Variants in ZNF385D observed in about 807,000 individuals in gnomAD.
ZNF385D encodes zinc finger protein 385D, also known as zinc finger protein 659.
ZNF385D carries 15 observed loss-of-function variants against 35.8 expected under a neutral mutation model. The observed-to-expected ratio is 0.42, with a 90% CI of 0.28 to 0.64. The LOEUF is 0.64. Among genes scored for constraint, ZNF385D ranks in the 30% least tolerant of loss-of-function variants. The probability of loss-of-function intolerance (pLI) is 0.23; values close to 1 mark genes in which losing one functional copy is unlikely to be tolerated. For missense variants in ZNF385D, 474 were observed against 494.6 expected, an observed-to-expected ratio of 0.96 and a Z score of 0.39; for synonymous variants, 212 against 186.8, an observed-to-expected ratio of 1.13 and a Z score of -1.10.
At chr3:22,148,258 G>A (rs1484673321) in intron 3 of ZNF385D, among the ~76,000 whole-genome samples, 2 of 152,142 alleles carry the variant, frequency 1.3e-5, no homozygotes, top group Non-Finnish European at 2.9e-5. Context: ...ACCTAAAAGA[G>A]CCATAGTCCA....
At chr3:21,581,561 C>T (rs1251383221) in intron 2 of ZNF385D, among the ~76,000 whole-genome samples, 1 of 152,090 alleles carries the variant, frequency 6.6e-6, no homozygotes, top group East Asian at 1.9e-4. Context: ...AATTATTAGA[C>T]ATGTGAAAAC....
At chr3:22,114,366 T>C (rs1702702326) in intron 3 of ZNF385D, among the ~76,000 whole-genome samples, 1 of 152,136 alleles carries the variant, frequency 6.6e-6, no homozygotes. Context: ...AATAAAGGCA[T>C]GATTTACTCC....
At chr3:21,430,585 T>G (rs1333593578) in intron 5 of ZNF385D, among the ~76,000 whole-genome samples, 2 of 152,080 alleles carry the variant, frequency 1.3e-5, no homozygotes, top group African/African-American at 4.8e-5. Flanking sequence ...GCCTTGAAAT[T>G]CCAGCCTGTG....
At chr3:21,855,241 C>T (rs1696643185) in intron 3 of ZNF385D, among the ~76,000 whole-genome samples, 1 of 151,984 alleles carries the variant, frequency 6.6e-6, no homozygotes. Flanking sequence ...AATTTGTTTG[C>T]TTTCCCTTAA....
chr3:22,075,187 T>C (rs1200198398), intron 3 of ZNF385D, among the ~76,000 whole-genome samples: 2 of 152,062 alleles, frequency 1.3e-5, no homozygotes, highest in Middle Eastern at 3.4e-3. Context: ...AGACCACTTA[T>C]GGGTAATAGC....
intron 3 of ZNF385D, among the ~76,000 whole-genome samples, chr3:21,846,912 A>G (rs1375858608): frequency 1.3e-5 from 2 of 152,078 alleles, no homozygotes; most frequent in African/African-American, 4.8e-5. Flanking sequence ...CTGATAACCT[A>G]TTAGTGGTTT....
intron 3 of ZNF385D, among the ~76,000 whole-genome samples, chr3:21,807,503 C>T (rs796293800): frequency 1.3e-5 from 2 of 152,160 alleles, no homozygotes; most frequent in African/African-American, 4.8e-5. Flanking sequence ...AAATTAAGAC[C>T]TGGCTTTGGA....
At chr3:21,791,020 A>T (rs2071905687) in intron 3 of ZNF385D, among the ~76,000 whole-genome samples, 1 of 152,248 alleles carries the variant, frequency 6.6e-6, no homozygotes, top group South Asian at 2.1e-4. Flanking sequence ...ACTTGAACCA[A>T]GCAGGCATAG....
intron 3 of ZNF385D, among the ~76,000 whole-genome samples, chr3:21,986,010 G>T (rs1176518454): frequency 9.2e-6 from 1 of 108,438 alleles, no homozygotes; most frequent in Non-Finnish European, 1.7e-5. Context: ...GATTGGTGGT[G>T]ATATCCCCTT....
At chr3:21,817,494 T>G (rs181088565) in intron 3 of ZNF385D, among the ~76,000 whole-genome samples, 1 of 149,344 alleles carries the variant, frequency 6.7e-6, no homozygotes, top group Non-Finnish European at 1.5e-5. Context: ...CAAGAAAAAA[T>G]TGAACAACAA....
intron 4 of ZNF385D, among the ~76,000 whole-genome samples, chr3:21,479,863 C>T (rs1704494857): frequency 6.6e-6 from 1 of 152,064 alleles, no homozygotes; most frequent in South Asian, 2.1e-4. Context: ...TGTACTCAGA[C>T]AGTATTAATG....
intron 3 of ZNF385D, among the ~76,000 whole-genome samples, chr3:22,003,872 C>CAAAAAAA (rs34327227): frequency 7.1e-6 from 1 of 141,170 alleles, no homozygotes; most frequent in African/African-American, 2.7e-5. Flanking sequence ...ATCCCCCCAC[C>CAAAAAAA]AAAAAAAAAA....
chr3:22,356,498 C>A (rs1696155449), intron 2 of ZNF385D, among the ~76,000 whole-genome samples: 2 of 151,870 alleles, frequency 1.3e-5, no homozygotes, highest in Non-Finnish European at 2.9e-5. Context: ...TTGTCCTTGG[C>A]TATAGAAACT....
chr3:22,091,290 C>CA, intron 3 of ZNF385D, among the ~76,000 whole-genome samples: 1 of 152,270 alleles, frequency 6.6e-6, no homozygotes, highest in East Asian at 1.9e-4. Flanking sequence ...TAAACCATAG[C>CA]ACTGAGAAAT....
chr3:21,706,960 C>G (rs1187483327), intron 1 of ZNF385D, among the ~76,000 whole-genome samples: 1 of 152,154 alleles, frequency 6.6e-6, no homozygotes, highest in Non-Finnish European at 1.5e-5. Flanking sequence ...GCCTTCATCC[C>G]TCTGTATGCG....
chr3:21,439,671 A>G (rs1318371465), intron 4 of ZNF385D, among the ~76,000 whole-genome samples: 1 of 152,088 alleles, frequency 6.6e-6, no homozygotes, highest in Non-Finnish European at 1.5e-5. Flanking sequence ...AAAAGCATAG[A>G]ATAAACAAAA....
At chr3:21,743,343 T>C (rs1196084538) in intron 1 of ZNF385D, among the ~76,000 whole-genome samples, 1 of 152,190 alleles carries the variant, frequency 6.6e-6, no homozygotes, top group Non-Finnish European at 1.5e-5. Flanking sequence ...AGCTTTACTA[T>C]CTACACTAAA....
chr3:22,196,901 G>C (rs929355997), intron 2 of ZNF385D, among the ~76,000 whole-genome samples: 1 of 151,928 alleles, frequency 6.6e-6, no homozygotes, highest in Non-Finnish European at 1.5e-5. Context: ...GGGTCTGCAG[G>C]TGGCAAATTC....
rs1367230291 is a variant in ZNF385D at position 22,083,896 on chromosome 3, C to A, written c.325+84921G>T. On this transcript the variant is annotated intron_variant, in intron 3 of 5. Transcript: ENST00000494108. ...AACAGCTGATCTCTCAGCAGAAACT[C>A]TACAAGCCAGAAGAGAGTGGGGGCC... Among the ~76,000 whole-genome samples, 15 of 152,308 alleles carry A rather than the reference C, an allele frequency of 9.8e-5. No individual in the cohort carries two copies. The East Asian group carries it at 1.2e-3, about 12-fold the overall frequency.
Sources: allele counts gnomAD v4.1 joint callset (sites outside exome capture counted in the v4.1 genomes callset), GRCh38; gene constraint gnomAD v4.1.1; transcripts MANE v1.5; gene names NCBI Gene and HGNC (gene_info 2026-07-23, HGNC 2026-07-21).